PCGF3: variants seen among roughly 807,000 people sequenced by gnomAD.
PCGF3 encodes the protein polycomb group ring finger 3.
Under a neutral mutation model 33.1 loss-of-function variants are expected in PCGF3, and 7 were observed. The ratio of observed to expected loss-of-function variants is 0.21; its 90% confidence interval spans 0.12 to 0.40. The LOEUF is 0.40. Ranked by LOEUF, PCGF3 falls within the 10% of genes least tolerant of loss-of-function variation. The probability of loss-of-function intolerance (pLI) is 1.00; values close to 1 mark genes in which losing one functional copy is unlikely to be tolerated. For synonymous variants in PCGF3, 153 were observed against 121.3 expected (o/e 1.26, Z -1.72); for missense variants, 211 against 313.3 (o/e 0.67, Z 2.46).
chr4:763,914 A>C (rs751683627), intron 9 of PCGF3, among the ~76,000 whole-genome samples: 3 of 152,234 alleles, frequency 2.0e-5, no homozygotes, highest in Non-Finnish European at 4.4e-5. Context: ...GGCACATGGG[A>C]GAAACATCAA....
intron 8 of PCGF3, among the ~76,000 whole-genome samples, chr4:749,221 A>G (rs1744402726): frequency 6.6e-6 from 1 of 151,652 alleles, no homozygotes; most frequent in Non-Finnish European, 1.5e-5. Context: ...CTGGAGTGCA[A>G]TGGCACGATC....
intron 6 of PCGF3, among the ~76,000 whole-genome samples, chr4:742,152 C>CCT (rs763438907): frequency 6.6e-6 from 1 of 150,392 alleles, no homozygotes; most frequent in African/African-American, 2.4e-5. Flanking sequence ...GGGGTCCCCT[C>CCT]CTCTCTCTCT....
chr4:742,836 G>A (rs944086909), intron 6 of PCGF3, among the ~76,000 whole-genome samples: 12 of 152,202 alleles, frequency 7.9e-5, no homozygotes, highest in Non-Finnish European at 1.5e-4. Context: ...GCCAGGCAAC[G>A]GGGTGCCAGA....
At chr4:758,447 C>T (rs564917454) in intron 8 of PCGF3, among the ~76,000 whole-genome samples, 43 of 141,624 alleles carry the variant, frequency 3.0e-4, no homozygotes, top group East Asian at 1.5e-3. Flanking sequence ...AGTTCTTCTC[C>T]TTCCGGACTC....
At chr4:761,837 C>T in intron 9 of PCGF3, 1 of 985,402 alleles carries the variant, frequency 1.0e-6, no homozygotes, top group Non-Finnish European at 1.2e-6. Flanking sequence ...GCACCATGAA[C>T]ATGCCAGTGT....
At chr4:737,627 G>T in intron 6 of PCGF3, 106 bp downstream of exon 6, 1 of 730,436 alleles carries the variant, frequency 1.4e-6, no homozygotes, top group Non-Finnish European at 2.4e-6. Flanking sequence ...TTTCCTTTTG[G>T]CCGAATCACC....
exon 1 of PCGF3, chr4:705,854 C>T (rs1039611903): frequency 6.6e-6 from 1 of 152,162 alleles, no homozygotes; most frequent in Non-Finnish European, 1.5e-5. Flanking sequence ...TTGTTTTAAA[C>T]TCCGGACGGG....
rs570221700 is a variant in PCGF3, at chr4:725,791, G to A, written c.-189-4839G>A. On this transcript the variant is annotated intron_variant, in intron 1 of 10. Coordinates refer to ENST00000362003, the Ensembl canonical transcript of PCGF3. Reference sequence around the variant, plus strand: ...TATTTGCCCAGGGGAAACCCGAGTCGCTGCCCCTCCTGTCCAGCCTCAGCG... The same window carrying A: ...TATTTGCCCAGGGGAAACCCGAGTCACTGCCCCTCCTGTCCAGCCTCAGCG... 4.9e-4 allele frequency among the ~76,000 whole-genome samples: 74 copies of A among 152,230 alleles called. 1 individual carries two copies. Among genetic ancestry groups the A allele is most frequent in the African/African-American group, 1.4e-3 (58 of 41,524 alleles).
At chr4:714,230 G>C (rs1347347073) in intron 1 of PCGF3, among the ~76,000 whole-genome samples, 1 of 152,252 alleles carries the variant, frequency 6.6e-6, no homozygotes, top group Non-Finnish European at 1.5e-5. Context: ...GGTGCGTTCT[G>C]TGGTTTGTCA....
intron 9 of PCGF3, among the ~76,000 whole-genome samples, chr4:763,528 G>A (rs1233474831): frequency 6.6e-6 from 1 of 152,204 alleles, no homozygotes; most frequent in African/African-American, 2.4e-5. Context: ...AAACTGCGTG[G>A]CACCACGCGT....
At chr4:738,961 C>A (rs751518452) in intron 6 of PCGF3, among the ~76,000 whole-genome samples, 3 of 152,194 alleles carry the variant, frequency 2.0e-5, no homozygotes, top group Non-Finnish European at 4.4e-5. Flanking sequence ...CACCACCCCC[C>A]GCCAGCAGTT....
At chr4:725,294 G>C (rs1300557683) in intron 1 of PCGF3, 1 of 152,966 alleles carries the variant, frequency 6.5e-6, no homozygotes, top group Non-Finnish European at 1.5e-5. Flanking sequence ...ACAATCGTGG[G>C]AAGTTCTGTT....
chr4:755,823 T>G (rs1041721172), intron 8 of PCGF3, among the ~76,000 whole-genome samples: 1 of 151,656 alleles, frequency 6.6e-6, no homozygotes, highest in African/African-American at 2.4e-5. Context: ...CTTACTGAAT[T>G]GCAATGATTT....
rs369572289 is a variant in PCGF3 at position 761,743 on chromosome 4, G to A, written c.600+327G>A. The A allele has an allele frequency of 1.0e-4, 103 of 985,412 alleles. 1 individual carries two copies. The South Asian group carries it at 3.7e-3, about 35-fold the overall frequency. The allele number at this position is 985,412 out of a possible 1,614,324, so 61.0% of individuals were successfully genotyped here. ...TAATTTCACAAGGGGAGACATGGGC[G>A]GATGCAGAGAGGGAGGACCCTTCCA... On this transcript the variant is annotated intron_variant, in intron 9 of 10. Coordinates refer to ENST00000362003, the Ensembl canonical transcript of PCGF3.
At position 767,758 on chromosome 4, in the gene PCGF3, GAGTTACTC is replaced by G. The variant is rs1447938612; in HGVS notation, c.*1686_*1693del. The stretch of plus-strand genomic sequence containing the variant: ...AGCCCATCAACTCCCAGGACGGTTT[GAGTTACTC>G]AGTTACCTAAGCTTGCTATTCATCC... On this transcript the variant is annotated 3_prime_UTR_variant, in exon 11 of 11. Coordinates refer to ENST00000362003, the Ensembl canonical transcript of PCGF3. 3 of 152,624 alleles carry G rather than the reference GAGTTACTC, an allele frequency of 2.0e-5. No individual in the cohort carries two copies. In the East Asian group the frequency reaches 5.8e-4, roughly 29 times the overall value. The allele number at this position is 152,624 out of a possible 1,614,324, so 9.5% of individuals were successfully genotyped here. A position where few individuals can be genotyped will look rare whatever the true frequency, so the allele number is the denominator to read the frequency against.
intron 10 of PCGF3, 130 bp from the exon 11 acceptor site, chr4:765,902 G>T: frequency 1.3e-6 from 1 of 775,424 alleles, no homozygotes; most frequent in Middle Eastern, 2.6e-4. Flanking sequence ...AGAACAGAAG[G>T]GTCTCTGTGC....
intron 8 of PCGF3, among the ~76,000 whole-genome samples, chr4:753,798 A>C (rs1404954517): frequency 1.3e-5 from 2 of 151,954 alleles, no homozygotes; most frequent in Non-Finnish European, 2.9e-5. Context: ...AATACAAAAA[A>C]TTAGCCGGGC....
At chr4:725,785 C>T (rs1054486796) in intron 1 of PCGF3, among the ~76,000 whole-genome samples, 1 of 152,068 alleles carries the variant, frequency 6.6e-6, no homozygotes, top group African/African-American at 2.4e-5. Flanking sequence ...AGGGGAAACC[C>T]GAGTCGCTGC....
chr4:735,827 G>A (rs761400850), intron 5 of PCGF3, among the ~76,000 whole-genome samples: 14 of 152,276 alleles, frequency 9.2e-5, no homozygotes, highest in Admixed American at 3.9e-4. Context: ...TCTGGAGAAG[G>A]CAACTCTTGC....
Sources: allele counts gnomAD v4.1 joint callset (sites outside exome capture counted in the v4.1 genomes callset), GRCh38; gene constraint gnomAD v4.1.1; transcripts MANE v1.5; gene names NCBI Gene and HGNC (gene_info 2026-07-23, HGNC 2026-07-21).